The following ZNF600 variants were observed in gnomAD, a reference collection of about 807,000 sequenced individuals.
ZNF600 encodes the protein zinc finger protein 600.
A neutral mutation model predicts 7.3 loss-of-function variants in ZNF600; 4 were observed. The ratio of observed to expected loss-of-function variants is 0.55; its 90% CI spans 0.27 to 1.25. The LOEUF (loss-of-function observed/expected upper bound fraction) is 1.25, where lower values mean the gene tolerates loss of function less well. ZNF600 is among the 50% of genes most tolerant of loss of function. The pLI, the probability that ZNF600 is intolerant of heterozygous loss-of-function variation, is 0.12. For missense variants in ZNF600, 911 were observed against 922.1 expected, an observed-to-expected ratio of 0.99 and a Z score of 0.16; for synonymous variants, 290 against 308.9, an observed-to-expected ratio of 0.94 and a Z score of 0.64.
chr19:52,831,567 A>G, the ZNF600 span, among the ~76,000 whole-genome samples: 1 of 151,632 alleles, frequency 6.6e-6, no homozygotes. Flanking sequence ...CAATGGTGCG[A>G]TCTCGGCTCA....
the ZNF600 span, among the ~76,000 whole-genome samples, chr19:52,817,362 A>G: frequency 1.3e-5 from 2 of 152,150 alleles, no homozygotes; most frequent in African/African-American, 4.8e-5. Flanking sequence ...ACAAGAGTGA[A>G]ACTCCGCTTC....
the ZNF600 span, among the ~76,000 whole-genome samples, chr19:52,795,951 G>T: frequency 5.9e-5 from 9 of 152,036 alleles, no homozygotes; most frequent in Non-Finnish European, 1.2e-4. Context: ...GATGCAGCTG[G>T]ATCGCCTCAG....
the ZNF600 span, among the ~76,000 whole-genome samples, chr19:52,819,380 C>G: frequency 6.7e-5 from 9 of 134,624 alleles, no homozygotes; most frequent in African/African-American, 2.1e-4. Context: ...CTACCACTCT[C>G]TTTCTTCCAT....
At chr19:52,822,369 G>A in the ZNF600 span, among the ~76,000 whole-genome samples, 1 of 151,992 alleles carries the variant, frequency 6.6e-6, no homozygotes, top group African/African-American at 2.4e-5. Flanking sequence ...ACTGTGCCTG[G>A]CCCAGGAAAT....
chr19:52,768,025 G>A (rs1003694141), intron 3 of ZNF600, among the ~76,000 whole-genome samples: 3 of 151,968 alleles, frequency 2.0e-5, no homozygotes, highest in African/African-American at 4.8e-5. Context: ...GTAAGCCTAA[G>A]GTAAGGAGTA....
At chr19:52,774,839 T>C in intron 2 of ZNF600, 138 bp from the exon 5 acceptor site, 1 of 977,312 alleles carries the variant, frequency 1.0e-6, no homozygotes, top group Non-Finnish European at 1.2e-6. Flanking sequence ...GAATATTTTT[T>C]CCCTATAGTT....
the ZNF600 span, among the ~76,000 whole-genome samples, chr19:52,813,249 G>GAAAAAGAAAAA: frequency 1.6e-5 from 1 of 62,984 alleles, no homozygotes; most frequent in African/African-American, 6.1e-5. Flanking sequence ...CTTGAATGGT[G>GAAAAAGAAAAA]AAAAAAAAAA....
chr19:52,807,549 A>G, the ZNF600 span, among the ~76,000 whole-genome samples: 1 of 152,182 alleles, frequency 6.6e-6, no homozygotes, highest in Non-Finnish European at 1.5e-5. Flanking sequence ...TCTCAGCTCA[A>G]TGCAAAACTT....
At chr19:52,809,699 G>C in the ZNF600 span, 1 of 376,194 alleles carries the variant, frequency 2.7e-6, no homozygotes. Context: ...TCAGCTACTC[G>C]AGAGGCTGAG....
the ZNF600 span, among the ~76,000 whole-genome samples, chr19:52,827,741 T>C: frequency 6.6e-6 from 1 of 151,828 alleles, no homozygotes; most frequent in Non-Finnish European, 1.5e-5. Context: ...GAGACAGGGT[T>C]TCACCATGTT....
chr19:52,827,876 G>A, the ZNF600 span, among the ~76,000 whole-genome samples: 1 of 151,952 alleles, frequency 6.6e-6, no homozygotes, highest in African/African-American at 2.4e-5. Context: ...AGATGAGAGG[G>A]AATGACAGAA....
chr19:52,786,006 T>C (rs1449869728), intron 1 of ZNF600, among the ~76,000 whole-genome samples: 3 of 152,162 alleles, frequency 2.0e-5, no homozygotes, highest in Non-Finnish European at 4.4e-5. Context: ...GCCTTTCTCA[T>C]TCTTCTTTTC....
At chr19:52,806,351 G>A in the ZNF600 span, among the ~76,000 whole-genome samples, 118,825 of 151,850 alleles carry the variant, frequency 0.78, 47,401 homozygotes, top group Non-Finnish European at 0.87. Flanking sequence ...CCACCACGGC[G>A]CCTGGCTAAT....
chr19:52,820,151 T>C, the ZNF600 span, among the ~76,000 whole-genome samples: 3 of 101,902 alleles, frequency 2.9e-5, no homozygotes, highest in South Asian at 7.1e-4. Flanking sequence ...CGCTCTGTCG[T>C]CCAGGCCGGA....
the ZNF600 span, among the ~76,000 whole-genome samples, chr19:52,831,511 GT>G: frequency 1.0e-4 from 15 of 144,936 alleles, no homozygotes; most frequent in Non-Finnish European, 1.7e-4. Flanking sequence ...TTGTTTTTTT[GT>G]TTTTTTTTGA....
chr19:52,767,298 T>G lies in ZNF600; in HGVS notation c.665A>C (p.Gln222Pro), dbSNP rs754044003. The G allele has an allele frequency of 1.2e-6, 2 of 1,614,078 alleles. No individual in the cohort carries two copies. The highest frequency in any genetic ancestry group is 2.7e-5 in the African/African-American group (2 of 74,926). ...AGATTTTTCTCTCATGTATACTTCC[T>G]GTTTTTGTGGGAGTAGTGAAGAATT... Residue 222 changes from glutamine (Q) to proline (P), a missense_variant, in exon 4 of 4, where the codon CAG (glutamine) becomes CCG (proline). Gln to Pro is a moderately conservative substitution (Grantham distance 76, BLOSUM62 -1). Coordinates refer to ENST00000648973, the Ensembl canonical transcript of ZNF600.
chr19:52,781,169 T>TTTTTTATTTTTTG (rs2062718096), intron 1 of ZNF600, 114 bp from the exon 3 acceptor site: 1 of 141,374 alleles, frequency 7.1e-6, no homozygotes. Context: ...TTTTTTTTTT[T>TTTTTTATTTTTTG]TTTAATATTT....
chr19:52,766,452 A>C, exon 4 of ZNF600: 3 of 1,614,116 alleles, frequency 1.9e-6, no homozygotes, highest in Non-Finnish European at 2.5e-6. Flanking sequence ...TCCAGTATGA[A>C]TTGACTTATG....
chr19:52,820,347 G>A, the ZNF600 span, among the ~76,000 whole-genome samples: 5 of 137,060 alleles, frequency 3.6e-5, 2 homozygotes, highest in African/African-American at 1.5e-4. Context: ...TCGATCTCCT[G>A]ACCTCATGAT....
Sources: gnomAD v4.1 joint callset for allele counts (sites outside exome capture counted in the v4.1 genomes callset) on GRCh38, gnomAD v4.1.1 for gene constraint, MANE v1.5 for transcripts, NCBI Gene and HGNC (gene_info 2026-07-23, HGNC 2026-07-21) for gene names.